Variants in CNTNAP5 observed in about 807,000 individuals in gnomAD.
The protein encoded by CNTNAP5 is contactin-associated protein-like 5.
In CNTNAP5, 72 loss-of-function variants were observed where a neutral mutation model predicts 150.2. The observed-to-expected ratio is 0.48, with a 90% CI of 0.40 to 0.58. The LOEUF (loss-of-function observed/expected upper bound fraction) is 0.58. CNTNAP5 is among the 20% of genes least tolerant of loss of function. CNTNAP5 has a pLI of 0.00. For missense variants in CNTNAP5, 1,636 were observed against 1,626.2 expected (o/e 1.01, Z -0.10); for synonymous variants, 672 against 619.8 (o/e 1.08, Z -1.25).
At chr2:124,134,920 G>A (rs1046983693) in intron 1 of CNTNAP5, 6 of 152,128 alleles carry the variant, frequency 3.9e-5, no homozygotes, top group African/African-American at 1.4e-4. Context: ...TATATTGCCA[G>A]GATTTTGGTT....
intron 1 of CNTNAP5, among the ~76,000 whole-genome samples, chr2:124,106,323 G>A (rs927540666): frequency 1.3e-5 from 2 of 152,172 alleles, no homozygotes; most frequent in Non-Finnish European, 2.9e-5. Context: ...CTGGTGGCTG[G>A]AGCACCCTGG....
At chr2:124,693,271 T>G (rs998996570) in intron 13 of CNTNAP5, among the ~76,000 whole-genome samples, 3 of 152,142 alleles carry the variant, frequency 2.0e-5, no homozygotes, top group Admixed American at 6.6e-5. Flanking sequence ...ATAATCAAAA[T>G]GTATTCTTTG....
rs79954390 is a variant in CNTNAP5, at chr2:124,105,216, G to A, written c.82+79484G>A. Among the ~76,000 whole-genome samples the A allele has an allele frequency of 1.7e-3, 261 of 152,266 alleles. 3 individuals carry two copies. In the East Asian group the frequency reaches 0.047, roughly 27 times the overall value. On this transcript the variant is annotated intron_variant, in intron 1 of 23. Coordinates refer to ENST00000682447, the MANE Select transcript of CNTNAP5 (RefSeq NM_001367498.1). ...ATGCACAGTATTAAATTGTGTGGGT[G>A]TATCATAATCTCTTCAGCCAATCTT...
At chr2:124,601,432 T>C (rs1379468448) in intron 11 of CNTNAP5, among the ~76,000 whole-genome samples, 2 of 152,188 alleles carry the variant, frequency 1.3e-5, no homozygotes, top group Admixed American at 6.5e-5. Context: ...AAATACCAAG[T>C]AGTATTTCAG....
intron 4 of CNTNAP5, among the ~76,000 whole-genome samples, chr2:124,419,994 T>TTTTC (rs1692058175): frequency 7.6e-6 from 1 of 131,500 alleles, no homozygotes; most frequent in Non-Finnish European, 1.6e-5. Flanking sequence ...CTTTCTTTTT[T>TTTTC]TTTTTTTTTT....
chr2:124,507,627 TG>T (rs1159821536), intron 8 of CNTNAP5, among the ~76,000 whole-genome samples: 14 of 152,034 alleles, frequency 9.2e-5, no homozygotes, highest in Non-Finnish European at 1.9e-4. Flanking sequence ...AAATGACAAA[TG>T]TTTTTTTCAG....
intron 19 of CNTNAP5, among the ~76,000 whole-genome samples, chr2:124,836,906 A>G (rs1003441164): frequency 3.3e-5 from 5 of 152,096 alleles, no homozygotes; most frequent in Non-Finnish European, 7.4e-5. Flanking sequence ...GCGAATAATA[A>G]ATAATGCCTT....
intron 1 of CNTNAP5, among the ~76,000 whole-genome samples, chr2:124,142,622 T>C (rs1286134666): frequency 1.1e-4 from 15 of 135,032 alleles, no homozygotes; most frequent in Admixed American, 1.5e-4. Flanking sequence ...CCAGAATCTC[T>C]GGGACGCATT....
chr2:124,511,270 C>T (rs565694727), intron 8 of CNTNAP5, among the ~76,000 whole-genome samples: 7 of 152,232 alleles, frequency 4.6e-5, no homozygotes, highest in African/African-American at 1.2e-4. Flanking sequence ...AAGAGATAAC[C>T]GGCACCACTC....
At chr2:124,725,447 CCTTCCCCTTCCT>C (rs1680135719) in intron 13 of CNTNAP5, among the ~76,000 whole-genome samples, 1 of 150,864 alleles carries the variant, frequency 6.6e-6, no homozygotes, top group East Asian at 2.0e-4. Flanking sequence ...CTCCCCTTCC[CCTTCCCCTTCCT>C]CTTCCCCTTC....
At chr2:124,409,906 T>G (rs1329974136) in intron 3 of CNTNAP5, among the ~76,000 whole-genome samples, 1 of 151,344 alleles carries the variant, frequency 6.6e-6, no homozygotes, top group African/African-American at 2.4e-5. Flanking sequence ...ATGGACTAAA[T>G]GCTCCAATTA....
intron 3 of CNTNAP5, among the ~76,000 whole-genome samples, chr2:124,403,224 C>G (rs1201857283): frequency 6.6e-6 from 1 of 152,182 alleles, no homozygotes; most frequent in African/African-American, 2.4e-5. Flanking sequence ...GTCGTTGCTT[C>G]AGCATACACT....
chr2:124,102,574 A>T (rs991860297), intron 1 of CNTNAP5, among the ~76,000 whole-genome samples: 1 of 152,182 alleles, frequency 6.6e-6, no homozygotes, highest in Non-Finnish European at 1.5e-5. Flanking sequence ...GCGGACCTGG[A>T]AGCAATGAGA....
intron 3 of CNTNAP5, among the ~76,000 whole-genome samples, chr2:124,379,586 G>A (rs913156051): frequency 1.3e-5 from 2 of 152,042 alleles, no homozygotes; most frequent in African/African-American, 4.8e-5. Flanking sequence ...TCCAAGTTTG[G>A]TCAACTAGGA....
intron 1 of CNTNAP5, among the ~76,000 whole-genome samples, chr2:124,083,146 A>C (rs1682596716): frequency 6.6e-6 from 1 of 152,158 alleles, no homozygotes; most frequent in South Asian, 2.1e-4. Context: ...CCAAGAGTTC[A>C]AGACCAGTCT....
At chr2:124,422,832 T>A in intron 4 of CNTNAP5, among the ~76,000 whole-genome samples, 1 of 152,262 alleles carries the variant, frequency 6.6e-6, no homozygotes, top group East Asian at 1.9e-4. Context: ...GCTTTTAACA[T>A]ACCTACTCTG....
In CNTNAP5 at chr2:124,164,186, C is replaced by T. The variant is rs572613452; in HGVS notation, c.83-57519C>T. 1.3e-4 allele frequency among the ~76,000 whole-genome samples: 20 copies of T among 152,284 alleles called. 1 individual carries two copies. Among genetic ancestry groups the T allele is most frequent in the South Asian group, 8.3e-4 (4 of 4,832 alleles). On this transcript the variant is annotated intron_variant, in intron 1 of 23. Coordinates refer to ENST00000682447, the MANE Select transcript of CNTNAP5 (RefSeq NM_001367498.1). ...CAGACTTAGACACTGTTCTAAGCAA[C>T]GCTGCCATGAACACGCAATACTCCT... is the stretch of plus-strand genomic sequence containing the variant.
At chr2:124,426,803 T>A (rs1692248607) in intron 4 of CNTNAP5, among the ~76,000 whole-genome samples, 1 of 152,204 alleles carries the variant, frequency 6.6e-6, no homozygotes, top group Non-Finnish European at 1.5e-5. Context: ...GAAAACAAGC[T>A]GTGGCAGCCA....
intron 10 of CNTNAP5, among the ~76,000 whole-genome samples, chr2:124,529,280 T>C (rs1695051469): frequency 6.6e-6 from 1 of 152,180 alleles, no homozygotes; most frequent in South Asian, 2.1e-4. Context: ...GGAACATTTA[T>C]CAACAGGGGT....
Sources: gnomAD v4.1 joint callset for allele counts (sites outside exome capture counted in the v4.1 genomes callset) on GRCh38, gnomAD v4.1.1 for gene constraint, MANE v1.5 for transcripts, NCBI Gene and HGNC (gene_info 2026-07-23, HGNC 2026-07-21) for gene names.